RBMS3: variants seen among roughly 807,000 people sequenced by gnomAD.
The protein encoded by RBMS3 is RNA-binding motif, single-stranded-interacting protein 3.
Under a neutral mutation model 66.8 loss-of-function variants are expected in RBMS3, and 27 were observed. The ratio of observed to expected loss-of-function variants is 0.40; its 90% CI spans 0.30 to 0.56. The LOEUF (loss-of-function observed/expected upper bound fraction) is 0.56. RBMS3 is among the 20% of genes least tolerant of loss of function. The pLI is 0.40. For missense variants in RBMS3, 513 were observed against 549.5 expected, an observed-to-expected ratio of 0.93 and a Z score of 0.66; for synonymous variants, 188 against 183.0, an observed-to-expected ratio of 1.03 and a Z score of -0.22.
chr3:29,584,379 T>G (rs1470723666), intron 3 of RBMS3, among the ~76,000 whole-genome samples: 1 of 152,114 alleles, frequency 6.6e-6, no homozygotes, highest in East Asian at 1.9e-4. Context: ...TCTTTTATAC[T>G]TACTCTGGGC....
intron 10 of RBMS3, among the ~76,000 whole-genome samples, chr3:29,914,518 C>T (rs1048404073): frequency 6.6e-5 from 10 of 151,800 alleles, no homozygotes; most frequent in Non-Finnish European, 1.2e-4. Context: ...GTTGTGCATA[C>T]GCTGAGGTTA....
At chr3:29,463,546 G>A (rs929714648) in intron 2 of RBMS3, among the ~76,000 whole-genome samples, 3 of 150,958 alleles carry the variant, frequency 2.0e-5, no homozygotes, top group Admixed American at 6.6e-5. Flanking sequence ...ATGGTCCTTC[G>A]GTTACAAAAA....
At chr3:29,629,853 T>G (rs955987421) in intron 4 of RBMS3, among the ~76,000 whole-genome samples, 1 of 152,106 alleles carries the variant, frequency 6.6e-6, no homozygotes, top group Non-Finnish European at 1.5e-5. Flanking sequence ...AATTTCTCAG[T>G]GTAAGCACTA....
chr3:29,596,708 T>G (rs1348694428), intron 4 of RBMS3, among the ~76,000 whole-genome samples: 1 of 152,202 alleles, frequency 6.6e-6, no homozygotes, highest in Non-Finnish European at 1.5e-5. Flanking sequence ...TCAGCGGAGC[T>G]TGGCTTTTGA....
At chr3:29,618,442 G>A (rs1017877393) in intron 4 of RBMS3, among the ~76,000 whole-genome samples, 4 of 151,920 alleles carry the variant, frequency 2.6e-5, no homozygotes, top group African/African-American at 9.7e-5. Flanking sequence ...GGAGGCAGAG[G>A]TTAGAGTGAG....
chr3:29,292,077 A>C (rs1043118356), intron 1 of RBMS3, among the ~76,000 whole-genome samples: 1 of 151,720 alleles, frequency 6.6e-6, no homozygotes, highest in Non-Finnish European at 1.5e-5. Flanking sequence ...GAATTCTCTC[A>C]TAATCACCCT....
chr3:29,304,514 T>C (rs757426191), intron 1 of RBMS3, among the ~76,000 whole-genome samples: 1 of 151,938 alleles, frequency 6.6e-6, no homozygotes, highest in Non-Finnish European at 1.5e-5. Context: ...TGTGCCCATA[T>C]TGACTGACGT....
At chr3:29,898,867 A>G (rs1014080590) in intron 9 of RBMS3, among the ~76,000 whole-genome samples, 21 of 151,616 alleles carry the variant, frequency 1.4e-4, no homozygotes, top group African/African-American at 5.1e-4. Context: ...TATTCACTGA[A>G]GAGTGATTTT....
chr3:29,768,441 T>A (rs1483870470), intron 6 of RBMS3, among the ~76,000 whole-genome samples: 2 of 151,724 alleles, frequency 1.3e-5, no homozygotes, highest in Non-Finnish European at 2.9e-5. Flanking sequence ...AGAAGCTAAA[T>A]AGAGAAGGAA....
chr3:29,853,516 G>A (rs996640630), intron 6 of RBMS3, among the ~76,000 whole-genome samples: 5 of 145,542 alleles, frequency 3.4e-5, no homozygotes, highest in Admixed American at 7.1e-5. Flanking sequence ...GTGGGTAGCC[G>A]TTGCCAGCTG....
chr3:29,676,874 T>A (rs141732998), intron 4 of RBMS3, among the ~76,000 whole-genome samples: 1 of 152,128 alleles, frequency 6.6e-6, no homozygotes, highest in Non-Finnish European at 1.5e-5. Context: ...GCTGTATTAG[T>A]CCATTCTTGC....
intron 10 of RBMS3, among the ~76,000 whole-genome samples, chr3:29,928,205 T>TACACACAC (rs1348801229): frequency 2.7e-5 from 3 of 112,440 alleles, no homozygotes; most frequent in African/African-American, 1.0e-4. Context: ...TATATATATA[T>TACACACAC]ATATATACAC....
At chr3:29,412,126 T>C (rs1575744624) in intron 1 of RBMS3, among the ~76,000 whole-genome samples, 2 of 152,352 alleles carry the variant, frequency 1.3e-5, no homozygotes, top group South Asian at 4.1e-4. Context: ...CCTCTATTTC[T>C]GTAACAGGCA....
At chr3:29,732,020 CATCT>C (rs770086172) in intron 4 of RBMS3, among the ~76,000 whole-genome samples, 1 of 151,918 alleles carries the variant, frequency 6.6e-6, no homozygotes, top group East Asian at 1.9e-4. Flanking sequence ...TCTCTCCCTC[CATCT>C]GTCCCTCTCC....
intron 1 of RBMS3, among the ~76,000 whole-genome samples, chr3:29,352,918 C>T (rs1254463500): frequency 1.4e-5 from 2 of 147,258 alleles, no homozygotes; most frequent in African/African-American, 2.5e-5. Context: ...AAATGACATA[C>T]ATTCATTCTT....
chr3:29,716,355 AAAC>A (rs1465768231), intron 4 of RBMS3, among the ~76,000 whole-genome samples: 1 of 152,182 alleles, frequency 6.6e-6, no homozygotes, highest in Non-Finnish European at 1.5e-5. Context: ...ATTCTAAAAC[AAAC>A]AACAAGTAGA....
intron 3 of RBMS3, among the ~76,000 whole-genome samples, chr3:29,546,569 G>T (rs1198107446): frequency 6.6e-6 from 1 of 152,136 alleles, no homozygotes; most frequent in Non-Finnish European, 1.5e-5. Context: ...ATAAACTTGA[G>T]ACTTTATTAC....
chr3:29,963,690 T>C (rs1451838160), intron 12 of RBMS3, among the ~76,000 whole-genome samples: 2 of 151,954 alleles, frequency 1.3e-5, no homozygotes, highest in South Asian at 2.1e-4. Flanking sequence ...TAATTGGGTG[T>C]GGTGGCGCGT....
intron 1 of RBMS3, among the ~76,000 whole-genome samples, chr3:29,340,933 A>C (rs1169404472): frequency 2.0e-5 from 3 of 152,054 alleles, no homozygotes; most frequent in African/African-American, 7.2e-5. Context: ...ATGCTTTTTA[A>C]ATTAATTTAA....
Sources: gnomAD v4.1 joint callset for allele counts (sites outside exome capture counted in the v4.1 genomes callset) on GRCh38, gnomAD v4.1.1 for gene constraint, MANE v1.5 for transcripts, NCBI Gene and HGNC (gene_info 2026-07-23, HGNC 2026-07-21) for gene names.